Variants in PHACTR3 observed in about 807,000 individuals in gnomAD.
PHACTR3 encodes protein phosphatase 1, regulatory subunit 123.
A neutral mutation model predicts 66.8 loss-of-function variants in PHACTR3; 16 were observed. The ratio of observed to expected loss-of-function variants is 0.24; its 90% CI spans 0.16 to 0.36. The LOEUF is 0.36. Ranked by LOEUF, PHACTR3 falls within the 10% of genes least tolerant of loss-of-function variation. The pLI is 1.00. For missense variants in PHACTR3, 647 were observed against 719.9 expected (o/e 0.90, Z 1.16); for synonymous variants, 323 against 292.1 (o/e 1.11, Z -1.08).
At chr20:59,743,996 T>C (rs1412812544) in intron 2 of PHACTR3, among the ~76,000 whole-genome samples, 1 of 152,154 alleles carries the variant, frequency 6.6e-6, no homozygotes, top group Non-Finnish European at 1.5e-5. Context: ...TGCCCCCGCC[T>C]CCTCGGAATC....
intron 1 of PHACTR3, chr20:59,676,791 G>C: frequency 1.1e-6 from 1 of 942,088 alleles, no homozygotes; most frequent in Non-Finnish European, 1.3e-6. Context: ...CACATCTCTG[G>C]TGAGGCAGAG....
chr20:59,585,053 G>T (rs981135680), intron 1 of PHACTR3, among the ~76,000 whole-genome samples: 3 of 152,196 alleles, frequency 2.0e-5, no homozygotes, highest in African/African-American at 7.2e-5. Flanking sequence ...TGACAGCTTG[G>T]CTGGGAACGT....
At chr20:59,799,076 ATG>A (rs1568833342) in intron 7 of PHACTR3, among the ~76,000 whole-genome samples, 1 of 152,084 alleles carries the variant, frequency 6.6e-6, no homozygotes, top group Non-Finnish European at 1.5e-5. Flanking sequence ...GTTTCCAAAT[ATG>A]TGGGTTTTTT....
Position 59,707,404 on chromosome 20 carries a change from G to A in PHACTR3, c.119-35703G>A, listed in dbSNP as rs185522905. On this transcript the variant is annotated intron_variant, in intron 1 of 12. Transcript: ENST00000371015. Reference sequence around the variant, plus strand: ...CCATGGTGATGAGTTCCTGACAGCTGGTAGCTAAAGAGTCTGGGGCCTCCC... The same window carrying A: ...CCATGGTGATGAGTTCCTGACAGCTAGTAGCTAAAGAGTCTGGGGCCTCCC... Among the ~76,000 whole-genome samples, 20 of 151,846 alleles carry A rather than the reference G, an allele frequency of 1.3e-4. No individual in the cohort carries two copies. In the East Asian group the frequency reaches 3.9e-3, roughly 29 times the overall value.
At chr20:59,633,339 A>G (rs1385439492) in intron 1 of PHACTR3, among the ~76,000 whole-genome samples, 1 of 152,202 alleles carries the variant, frequency 6.6e-6, no homozygotes, top group African/African-American at 2.4e-5. Context: ...GAATGAGATC[A>G]TGTCCTTTGT....
chr20:59,770,555 T>C (rs1449098486), intron 5 of PHACTR3, among the ~76,000 whole-genome samples: 1 of 152,226 alleles, frequency 6.6e-6, no homozygotes, highest in African/African-American at 2.4e-5. Flanking sequence ...GTCACTCTTC[T>C]AGAGGCTGGA....
rs911298377 is a variant in PHACTR3, at chr20:59,830,601, C to T, written c.1329-5904C>T. ...GAGGCGCTGGGCAGGATGGAGCCTGCAGCTCTGCTGGCTGAAGGTGGAAGA... is the reference window on the plus strand; with the variant it reads ...GAGGCGCTGGGCAGGATGGAGCCTGTAGCTCTGCTGGCTGAAGGTGGAAGA... On this transcript the variant is annotated intron_variant, in intron 8 of 12. Coordinates refer to ENST00000371015, the MANE Select transcript of PHACTR3 (RefSeq NM_080672.5). The surrounding 1 kb of genome is among the most constrained non-coding windows in gnomAD (Gnocchi z 5.8). 1.3e-5 allele frequency among the ~76,000 whole-genome samples: 2 copies of T among 152,178 alleles called. No homozygotes were observed. Among genetic ancestry groups the T allele is most frequent in the Admixed American group, 1.3e-4 (2 of 15,284 alleles).
intron 1 of PHACTR3, among the ~76,000 whole-genome samples, chr20:59,718,257 C>T (rs956656957): frequency 2.6e-5 from 4 of 151,604 alleles, no homozygotes; most frequent in Non-Finnish European, 4.4e-5. Context: ...ACACAGTACC[C>T]AGAGCCACCA....
At chr20:59,590,769 G>T (rs956779384) in intron 1 of PHACTR3, among the ~76,000 whole-genome samples, 2 of 152,316 alleles carry the variant, frequency 1.3e-5, no homozygotes, top group Middle Eastern at 3.4e-3. Context: ...GGGGCCGGCA[G>T]ATTTGCTGTC....
chr20:59,600,701 T>C (rs2033452427), upstream of PHACTR3, among the ~76,000 whole-genome samples: 2 of 152,256 alleles, frequency 1.3e-5, no homozygotes, highest in Admixed American at 1.3e-4. Flanking sequence ...GGACTGACTC[T>C]GTCCCATCTT....
intron 4 of PHACTR3, among the ~76,000 whole-genome samples, chr20:59,756,789 A>G (rs1016539257): frequency 6.6e-6 from 1 of 152,002 alleles, no homozygotes; most frequent in African/African-American, 2.4e-5. Context: ...CGTCATTTAC[A>G]TTAGGTATAT....
At chr20:59,789,521 A>T (rs560974325) in intron 7 of PHACTR3, among the ~76,000 whole-genome samples, 2 of 152,338 alleles carry the variant, frequency 1.3e-5, no homozygotes, top group Non-Finnish European at 2.9e-5. Flanking sequence ...AGTAAGGGGC[A>T]TACCTTAAGG....
chr20:59,751,178 C>T (rs897414038), intron 3 of PHACTR3, among the ~76,000 whole-genome samples: 4 of 152,184 alleles, frequency 2.6e-5, no homozygotes, highest in Admixed American at 1.3e-4. Flanking sequence ...AGGCGCTTTC[C>T]TGGCTTTGGG....
chr20:59,652,599 C>G (rs1245415197), intron 1 of PHACTR3, among the ~76,000 whole-genome samples: 6 of 152,174 alleles, frequency 3.9e-5, no homozygotes, highest in Non-Finnish European at 7.4e-5. Context: ...TAGCATTAAT[C>G]TACTCTATAA....
chr20:59,840,385 A>G lies in PHACTR3; in HGVS notation c.1401A>G (p.Thr467=). 6.2e-7 allele frequency: 1 copy of G among 1,612,736 alleles called. No individual in the cohort carries two copies. Among genetic ancestry groups the G allele is most frequent in the Middle Eastern group, 1.7e-4 (1 of 6,056 alleles). The change falls in exon 10 of 13, where the codon ACA becomes ACG. Residue 467 remains threonine (T), a synonymous_variant. Coordinates refer to ENST00000371015, the MANE Select transcript of PHACTR3 (RefSeq NM_080672.5). ...RNILKQRNDQ[T]EQEERREIKQ... ...CTTTCACAGAAAGGAATGATCAGAC[A>G]GAGCAGGAAGAAAGAAGAGAAATCA... is the stretch of plus-strand genomic sequence containing the variant.
intron 1 of PHACTR3, among the ~76,000 whole-genome samples, chr20:59,650,354 G>C (rs1176538436): frequency 6.6e-6 from 1 of 151,992 alleles, no homozygotes; most frequent in Non-Finnish European, 1.5e-5. Flanking sequence ...GCTGTATCCT[G>C]TCTTTTGCAT....
chr20:59,605,101 C>T lies in PHACTR3; in HGVS notation c.87C>T (p.Ala29=). The T allele has an allele frequency of 1.4e-6, 2 of 1,399,522 alleles. No individual in the cohort carries two copies. Among genetic ancestry groups the T allele is most frequent in the South Asian group, 3.3e-5 (2 of 61,022 alleles). The allele number at this position is 1,399,522 out of a possible 1,614,324, so 86.7% of individuals were successfully genotyped here. A position where few individuals can be genotyped will look rare whatever the true frequency, so the allele number is the denominator to read the frequency against. Residue 29 remains alanine, a synonymous_variant, in exon 1 of 13, where the codon GCC becomes GCT. Transcript: ENST00000371015. The part of the protein sequence containing the change: ...SDPSVLTDSS[A]TSSADAGENP... ...CCAGCGTCCTCACCGACTCCTCGGC[C>T]ACCTCCTCCGCGGACGCCGGGGAGA...
Position 59,847,230 on chromosome 20 carries a change from T to C in PHACTR3, c.*100T>C. On this transcript the variant is annotated 3_prime_UTR_variant, in exon 13 of 13. Coordinates refer to ENST00000371015, the MANE Select transcript of PHACTR3 (RefSeq NM_080672.5). Reference sequence around the variant, plus strand: ...AAGTTCAGCTCAAGACTACCCTACCTGCTGTGTTTGTGAGAAGAGTAGGAT... The same window carrying C: ...AAGTTCAGCTCAAGACTACCCTACCCGCTGTGTTTGTGAGAAGAGTAGGAT... 3 of 839,114 alleles carry C rather than the reference T, an allele frequency of 3.6e-6. No homozygotes were observed. The highest frequency in any genetic ancestry group is 5.8e-6 in the Non-Finnish European group (3 of 514,246). The allele number at this position is 839,114 out of a possible 1,614,324, so 52.0% of individuals were successfully genotyped here. A position where few individuals can be genotyped will look rare whatever the true frequency, so the allele number is the denominator to read the frequency against.
intron 8 of PHACTR3, among the ~76,000 whole-genome samples, chr20:59,816,653 A>G (rs2041895410): frequency 6.6e-6 from 1 of 152,198 alleles, no homozygotes; most frequent in African/African-American, 2.4e-5. Context: ...AACTTCTTCA[A>G]TGTTTTATCC....
Sources: gnomAD v4.1 joint callset for allele counts (sites outside exome capture counted in the v4.1 genomes callset) on GRCh38, gnomAD v4.1.1 for gene constraint, Gnocchi (gnomAD v3.1) non-coding constraint, MANE v1.5 for transcripts, NCBI Gene and HGNC (gene_info 2026-07-23, HGNC 2026-07-21) for gene names.